Variants in UTY observed in about 807,000 individuals in gnomAD.
The protein encoded by UTY is ubiquitously transcribed tetratricopeptide repeat containing, Y-linked.
In UTY, 12 loss-of-function variants were observed where a neutral mutation model predicts 32.5. The observed-to-expected ratio is 0.37, with a 90% CI of 0.24 to 0.60. The LOEUF is 0.60. UTY is among the 20% of genes least tolerant of loss of function. UTY has a pLI of 0.69. For missense variants in UTY, 303 were observed against 299.2 expected, an observed-to-expected ratio of 1.01 and a Z score of -0.09; for synonymous variants, 131 against 103.4, an observed-to-expected ratio of 1.27 and a Z score of -1.62.
intron 8 of UTY, among the ~76,000 whole-genome samples, chrY:13,391,798 G>C (rs2067592484): frequency 3.0e-5 from 1 of 33,560 alleles, no homozygotes; most frequent in Non-Finnish European, 7.4e-5. Context: ...TTTAATGTTA[G>C]AATCAAACAC....
At chrY:13,470,556 A>AT (rs2078390401) in intron 2 of UTY, among the ~76,000 whole-genome samples, 1 of 32,999 alleles carries the variant, frequency 3.0e-5, no homozygotes, top group Non-Finnish European at 7.4e-5. Context: ...ACTTGAAGAT[A>AT]TATCTTTTGA....
At chrY:13,425,968 CA>C (rs2073194616) in intron 4 of UTY, among the ~76,000 whole-genome samples, 3 of 33,176 alleles carry the variant, frequency 9.0e-5, no homozygotes, top group African/African-American at 3.6e-4. Context: ...ACAATGATTG[CA>C]GAAACTGAAG....
In UTY at chrY:13,336,180, C is replaced by A; in HGVS notation, c.2217G>T (p.Gly739=). Residue 739 remains glycine (G), a synonymous_variant, in exon 18 of 30, where the codon GGG becomes GGT. Transcript: ENST00000545955. ...LTLPSNSVPQ[G]DADSHLSCHT... ...GACAGGAGAGGTGACTGTCAGCATCCCCCTGTGGTACTGAATTACTAGGCA... is the reference window on the plus strand; with the variant it reads ...GACAGGAGAGGTGACTGTCAGCATCACCCTGTGGTACTGAATTACTAGGCA... 1 of 398,238 alleles carries A rather than the reference C, an allele frequency of 2.5e-6. No individual in the cohort carries two copies. Among genetic ancestry groups the A allele is most frequent in the East Asian group, 9.2e-5 (1 of 10,855 alleles).
At chrY:13,436,965 G>GAC (rs2074620642) in intron 4 of UTY, among the ~76,000 whole-genome samples, 1 of 26,778 alleles carries the variant, frequency 3.7e-5, no homozygotes, top group Admixed American at 3.5e-4. Context: ...GGAAGCAAAA[G>GAC]AGACACACAC....
intron 8 of UTY, 52 bp downstream of exon 8, chrY:13,393,807 A>G: frequency 3.2e-6 from 1 of 316,885 alleles, no homozygotes; most frequent in South Asian, 4.2e-5. Context: ...ATTTCATTTC[A>G]TCTAAAGCAT....
At chrY:13,327,843 C>G in intron 18 of UTY, among the ~76,000 whole-genome samples, 1 of 33,806 alleles carries the variant, frequency 3.0e-5, no homozygotes, top group Non-Finnish European at 7.3e-5. Flanking sequence ...CTTAATTGTA[C>G]TAAATTTGGT....
intron 21 of UTY, among the ~76,000 whole-genome samples, chrY:13,315,711 A>G: frequency 3.0e-5 from 1 of 33,430 alleles, no homozygotes; most frequent in Non-Finnish European, 7.4e-5. Context: ...GGAAAAGTCC[A>G]GCTGGGAACT....
In UTY at chrY:13,355,665, G is replaced by GA; in HGVS notation, c.1665+257dup. Reference sequence around the variant, plus strand: ...GCCATTTTTCCTTCATGAAACAGAAGATTTCAAATTTCCATTCAGTTTACA... The same window carrying GA: ...GCCATTTTTCCTTCATGAAACAGAAGAATTTCAAATTTCCATTCAGTTTACA... On this transcript the variant is annotated intron_variant, in intron 16 of 29. Transcript: ENST00000545955. 4.5e-5 allele frequency: 16 copies of GA among 354,601 alleles called. No homozygotes were observed. The East Asian group carries it at 1.8e-3, about 41-fold the overall frequency. The allele number at this position is 354,601 out of a possible 400,897, so 88.5% of individuals were successfully genotyped here.
intron 4 of UTY, among the ~76,000 whole-genome samples, chrY:13,446,619 T>TAGATAGAC (rs1556515298): frequency 4.9e-4 from 7 of 14,269 alleles, no homozygotes; most frequent in Admixed American, 2.1e-3. Context: ...GATAGATAGA[T>TAGATAGAC]AGACAGACAG....
intron 3 of UTY, among the ~76,000 whole-genome samples, chrY:13,461,179 GA>G (rs2077328163): frequency 3.7e-5 from 1 of 26,748 alleles, no homozygotes; most frequent in South Asian, 1.0e-3. Flanking sequence ...GAGAAGGAAG[GA>G]GAGAAAGGAA....
chrY:13,425,984 CAG>C (rs759370817), intron 4 of UTY, among the ~76,000 whole-genome samples: 6 of 33,013 alleles, frequency 1.8e-4, no homozygotes, highest in Middle Eastern at 0.015. Flanking sequence ...CTGAAGGAAA[CAG>C]ATACAACCAA....
chrY:13,298,200 C>A (rs2058171520), intron 26 of UTY, among the ~76,000 whole-genome samples: 1 of 33,217 alleles, frequency 3.0e-5, no homozygotes. Context: ...TGCCCAAAGT[C>A]ATAAAGTTAG....
intron 20 of UTY, among the ~76,000 whole-genome samples, chrY:13,324,191 ATTTTC>A (rs2060032761): frequency 3.1e-5 from 1 of 32,148 alleles, no homozygotes; most frequent in East Asian, 8.0e-4. Context: ...CCGGAGACTC[ATTTTC>A]TTCAAGTGCT....
At position 13,298,991 on chromosome Y, in the gene UTY, G is replaced by A; in HGVS notation, c.3834C>T (p.Cys1278=). The A allele has an allele frequency of 2.5e-6, 1 of 396,256 alleles. No homozygotes were observed. Among genetic ancestry groups the A allele is most frequent in the South Asian group, 3.0e-5 (1 of 33,554 alleles). Residue 1278 remains cysteine, a synonymous_variant, in exon 26 of 30, where the codon TGC becomes TGT. Coordinates refer to ENST00000545955, the MANE Select transcript of UTY (RefSeq NM_001258249.2). ...TVHWVQAVGW[C]NNIAWNVGPL... ...GACCAACATTCCAGGCAATGTTATT[G>A]CACCAGCCAACAGCTTGAACCCAAT...
chrY:13,343,260 C>G, intron 17 of UTY, among the ~76,000 whole-genome samples: 1 of 32,705 alleles, frequency 3.1e-5, no homozygotes, highest in African/African-American at 1.2e-4. Flanking sequence ...GCCCTGTTAG[C>G]AGAAGATGCT....
At chrY:13,346,539 A>G in intron 17 of UTY, among the ~76,000 whole-genome samples, 1 of 33,257 alleles carries the variant, frequency 3.0e-5, no homozygotes, top group African/African-American at 1.2e-4. Flanking sequence ...GAGCCTAAGA[A>G]TTGATGCCAC....
In UTY at chrY:13,479,521, T is replaced by C. The variant is rs770969453; in HGVS notation, c.145A>G (p.Met49Val). The change falls in exon 1 of 30, where the codon ATG becomes GTG. Residue 49 changes from methionine to valine, a missense_variant. Physicochemically the swap from Met to Val is conservative, Grantham distance 21. Transcript: ENST00000545955. ...TVEEREALGG[M>V]DSRLFGFVRL... Reference sequence around the variant, plus strand: ...GGTGATGGAGGTGCGTACCTGTCCATGCCACCAAGCGCCTCCCTTTCCTCG... The same window carrying C: ...GGTGATGGAGGTGCGTACCTGTCCACGCCACCAAGCGCCTCCCTTTCCTCG... 4.3e-5 allele frequency: 17 copies of C among 398,709 alleles called. No individual in the cohort carries two copies. The highest frequency in any genetic ancestry group is 1.2e-3 in the Middle Eastern group (2 of 1,704).
intron 6 of UTY, among the ~76,000 whole-genome samples, chrY:13,400,886 T>TA (rs2068915773): frequency 3.0e-5 from 1 of 32,973 alleles, no homozygotes. Context: ...ACTTTTGAAA[T>TA]AAAAAATAAT....
At chrY:13,279,696 G>C (rs1603296288) in intron 27 of UTY, among the ~76,000 whole-genome samples, 1 of 33,376 alleles carries the variant, frequency 3.0e-5, no homozygotes, top group Admixed American at 2.7e-4. Flanking sequence ...CCACATCTGC[G>C]ACAATCCAGA....
Sources: gnomAD v4.1 joint callset for allele counts (sites outside exome capture counted in the v4.1 genomes callset) on GRCh38, gnomAD v4.1.1 for gene constraint, MANE v1.5 for transcripts, NCBI Gene and HGNC (gene_info 2026-07-23, HGNC 2026-07-21) for gene names.